The following GATAD2B variants were observed in gnomAD, a reference collection of about 807,000 sequenced individuals.
The protein encoded by GATAD2B is GATA zinc finger domain containing 2B.
GATAD2B carries 8 observed loss-of-function variants against 64.3 expected under a neutral mutation model. The ratio of observed to expected loss-of-function variants is 0.12; its 90% CI spans 0.07 to 0.22. GATAD2B has a LOEUF of 0.22. Among genes scored for constraint, GATAD2B ranks in the 10% least tolerant of loss-of-function variants. The pLI is 1.00. For missense variants in GATAD2B, 453 were observed against 752.0 expected, an observed-to-expected ratio of 0.60 and a Z score of 4.65; for synonymous variants, 281 against 271.3, an observed-to-expected ratio of 1.04 and a Z score of -0.35.
chr1:153,899,270 T>A (rs551806471), intron 1 of GATAD2B, among the ~76,000 whole-genome samples: 1 of 151,738 alleles, frequency 6.6e-6, no homozygotes, highest in African/African-American at 2.4e-5. Context: ...AAAATAAAAA[T>A]TTTAAAAAGC....
In GATAD2B at chr1:153,823,982, G is replaced by A. The variant is rs558007858; in HGVS notation, c.335+4031C>T. On this transcript the variant is annotated intron_variant, in intron 2 of 10. Transcript: ENST00000368655. ...TGACCTCAGATGATCCTCCCGCCTC[G>A]GCCTCCCAAAGTGCTGGGATTACAG... Among the ~76,000 whole-genome samples, 7 of 152,100 alleles carry A rather than the reference G, an allele frequency of 4.6e-5. No homozygotes were observed. In the South Asian group the frequency reaches 6.2e-4, roughly 14 times the overall value.
In GATAD2B at chr1:153,812,091, G is replaced by T. The variant is rs531641324; in HGVS notation, c.1461C>A (p.Pro487=). 10 of 1,612,746 alleles carry T rather than the reference G, an allele frequency of 6.2e-6. No individual in the cohort carries two copies. The highest frequency in any genetic ancestry group is 2.2e-5 in the East Asian group (1 of 44,884). The change falls in exon 9 of 11, where the codon CCC becomes CCA. Residue 487 remains proline (P), a synonymous_variant. Coordinates refer to ENST00000368655, the MANE Select transcript of GATAD2B (RefSeq NM_020699.4). ...CACTGGACACAGCTGGAGCCGTAGT[G>T]GGGGAGAGGGCTGCCTGCTGCTGTA... ...QRLQQQAALS[P]TTAPAVSSVS...
intron 1 of GATAD2B, among the ~76,000 whole-genome samples, chr1:153,863,363 G>A (rs974747929): frequency 2.0e-5 from 3 of 151,854 alleles, no homozygotes; most frequent in Admixed American, 6.6e-5. Flanking sequence ...GGGCGTGGTG[G>A]TGCATGCCTG....
chr1:153,913,676 TG>T (rs1264600636), intron 1 of GATAD2B, among the ~76,000 whole-genome samples: 1 of 152,146 alleles, frequency 6.6e-6, no homozygotes, highest in Non-Finnish European at 1.5e-5. Flanking sequence ...CTCAGCACTT[TG>T]GGAGGCCAAG....
intron 1 of GATAD2B, among the ~76,000 whole-genome samples, chr1:153,917,671 A>C (rs1265420277): frequency 6.6e-6 from 1 of 152,238 alleles, no homozygotes; most frequent in Non-Finnish European, 1.5e-5. Flanking sequence ...CTGGGATTAC[A>C]GGCATGAGCC....
At chr1:153,825,163 ATTTC>A (rs1019024945) in intron 2 of GATAD2B, among the ~76,000 whole-genome samples, 30 of 152,144 alleles carry the variant, frequency 2.0e-4, no homozygotes, top group African/African-American at 7.2e-4. Flanking sequence ...TCCACCTAAC[ATTTC>A]TTTAACTCTT....
chr1:153,812,855 C>T (rs1198145539), intron 8 of GATAD2B, among the ~76,000 whole-genome samples: 2 of 152,218 alleles, frequency 1.3e-5, no homozygotes, highest in African/African-American at 4.8e-5. Context: ...CTACTCTTCA[C>T]TGGGCTACTT....
At chr1:153,910,959 G>C (rs1337322797) in intron 1 of GATAD2B, among the ~76,000 whole-genome samples, 2 of 152,042 alleles carry the variant, frequency 1.3e-5, no homozygotes, top group Non-Finnish European at 2.9e-5. Context: ...GTAAATCAAA[G>C]AGCATCTGTA....
intron 1 of GATAD2B, among the ~76,000 whole-genome samples, chr1:153,845,954 C>A (rs60173188): frequency 1.0e-4 from 11 of 107,536 alleles, no homozygotes; most frequent in African/African-American, 3.3e-4. Flanking sequence ...GCCCCCCCCC[C>A]GCCCCAAAAC....
intron 1 of GATAD2B, among the ~76,000 whole-genome samples, chr1:153,866,319 G>A (rs1335462312): frequency 1.3e-5 from 2 of 151,778 alleles, no homozygotes; most frequent in Non-Finnish European, 1.5e-5. Context: ...ATTCTCTAAT[G>A]ACAATTCATG....
intron 1 of GATAD2B, among the ~76,000 whole-genome samples, chr1:153,839,427 A>G (rs555853887): frequency 2.0e-5 from 3 of 152,250 alleles, no homozygotes; most frequent in East Asian, 1.9e-4. Context: ...AAGGCCCTTT[A>G]TATTTGTTCT....
At chr1:153,910,151 T>C (rs151212370) in intron 1 of GATAD2B, among the ~76,000 whole-genome samples, 108 of 152,046 alleles carry the variant, frequency 7.1e-4, no homozygotes, top group African/African-American at 2.2e-3. Flanking sequence ...TAAAAAGTAA[T>C]GTTATATGTA....
In GATAD2B at chr1:153,889,908, T is replaced by A. The variant is rs1384686055; in HGVS notation, c.-2+32825A>T. The stretch of plus-strand genomic sequence containing the variant: ...TAAGAGGCCAGTGGGGCGCGGTGGC[T>A]CACGCCTGTAATCTCAGCACTTTGG... On this transcript the variant is annotated intron_variant, in intron 1 of 10. Coordinates refer to ENST00000368655, the MANE Select transcript of GATAD2B (RefSeq NM_020699.4). 4.6e-5 allele frequency among the ~76,000 whole-genome samples: 7 copies of A among 151,986 alleles called. No individual in the cohort carries two copies. The East Asian group carries it at 1.3e-3, about 29-fold the overall frequency.
At chr1:153,826,096 C>T (rs1291896372) in intron 2 of GATAD2B, among the ~76,000 whole-genome samples, 5 of 152,022 alleles carry the variant, frequency 3.3e-5, no homozygotes, top group African/African-American at 7.2e-5. Context: ...CTCCACCTCC[C>T]GGGTTCACAC....
At chr1:153,830,627 C>T (rs570525164) in intron 1 of GATAD2B, among the ~76,000 whole-genome samples, 109 of 150,212 alleles carry the variant, frequency 7.3e-4, no homozygotes, top group African/African-American at 2.3e-3. Context: ...AGGCGCCCGC[C>T]ACTACGCCCG....
chr1:153,867,783 C>T (rs374754631), intron 1 of GATAD2B, among the ~76,000 whole-genome samples: 7 of 152,026 alleles, frequency 4.6e-5, no homozygotes, highest in East Asian at 1.9e-4. Context: ...TTGCTTGAAC[C>T]CAGGAGACAG....
intron 1 of GATAD2B, among the ~76,000 whole-genome samples, chr1:153,873,689 T>A (rs1676739380): frequency 6.6e-6 from 1 of 152,210 alleles, no homozygotes; most frequent in Admixed American, 6.5e-5. Context: ...ATGCCTGTAA[T>A]CCCAGCACTT....
chr1:153,839,626 TGAA>T (rs1339273882), intron 1 of GATAD2B, among the ~76,000 whole-genome samples: 1 of 152,198 alleles, frequency 6.6e-6, no homozygotes, highest in Non-Finnish European at 1.5e-5. Context: ...GTATTTATAA[TGAA>T]GGAGACAACA....
chr1:153,826,263 C>T lies in GATAD2B; in HGVS notation c.335+1750G>A, dbSNP rs370729618. Among the ~76,000 whole-genome samples, 132 of 152,208 alleles carry T rather than the reference C, an allele frequency of 8.7e-4. 1 individual carries two copies. The highest frequency in any genetic ancestry group is 3.2e-3 in the African/African-American group (131 of 41,578). ...CGTGATCCACCCGCCTCATGATCCA[C>T]CCGCCTCGGCCTCTCAAAGTGCTGG... On this transcript the variant is annotated intron_variant, in intron 2 of 10. Transcript: ENST00000368655.
Sources: allele counts gnomAD v4.1 joint callset (sites outside exome capture counted in the v4.1 genomes callset), GRCh38; gene constraint gnomAD v4.1.1; transcripts MANE v1.5; gene names NCBI Gene and HGNC (gene_info 2026-07-23, HGNC 2026-07-21).